EXOC6B: variants seen among roughly 807,000 people sequenced by gnomAD.
EXOC6B encodes exocyst complex component 6B.
EXOC6B carries 54 observed loss-of-function variants against 113.5 expected under a neutral mutation model. The ratio of observed to expected loss-of-function variants is 0.48; its 90% CI spans 0.38 to 0.60. The LOEUF (loss-of-function observed/expected upper bound fraction) is 0.60. EXOC6B is among the 20% of genes least tolerant of loss of function. EXOC6B has a pLI of 0.00. For missense variants in EXOC6B, 797 were observed against 977.5 expected (o/e 0.82, Z 2.46); for synonymous variants, 357 against 339.0 (o/e 1.05, Z -0.58).
At chr2:72,340,385 A>G (rs576431199) in intron 19 of EXOC6B, among the ~76,000 whole-genome samples, 4 of 152,324 alleles carry the variant, frequency 2.6e-5, no homozygotes, top group African/African-American at 9.6e-5. Context: ...AAGATGAACA[A>G]GGAAAAATCT....
At chr2:72,769,941 C>T (rs147187128) in intron 1 of EXOC6B, among the ~76,000 whole-genome samples, 2 of 152,222 alleles carry the variant, frequency 1.3e-5, no homozygotes, top group African/African-American at 4.8e-5. Flanking sequence ...CAACATTGAA[C>T]ACCAGAAGAC....
chr2:72,825,781 C>A lies in EXOC6B; in HGVS notation c.113+17G>T, dbSNP rs1199932730. On this transcript the variant is annotated intron_variant, in intron 1 of 21. Coordinates refer to ENST00000272427, the MANE Select transcript of EXOC6B (RefSeq NM_015189.3). This position sits in a 1 kb window ranked among gnomAD's most constrained non-coding sequence, Gnocchi z 4.4. ...CCGCCCGTTCCCGCCCCTCTGTGGT[C>A]CCGGCACCCGGGGTACCTGAGCGTG... The A allele has an allele frequency of 1.2e-6, 2 of 1,604,504 alleles. No homozygotes were observed. The highest frequency in any genetic ancestry group is 1.7e-6 in the Non-Finnish European group (2 of 1,175,640).
intron 20 of EXOC6B, among the ~76,000 whole-genome samples, chr2:72,281,064 C>G (rs1271466644): frequency 1.3e-5 from 2 of 152,136 alleles, no homozygotes; most frequent in Non-Finnish European, 2.9e-5. Flanking sequence ...CTAGAAGGAG[C>G]CTTGCTAAAA....
intron 6 of EXOC6B, among the ~76,000 whole-genome samples, chr2:72,714,629 G>C (rs961494700): frequency 6.6e-6 from 1 of 151,998 alleles, no homozygotes; most frequent in East Asian, 1.9e-4. Flanking sequence ...AATAGTAAAG[G>C]CTTATGCAAT....
rs143150151 is a variant in EXOC6B, at chr2:72,380,405, C to A, written c.1981-535G>T. On this transcript the variant is annotated intron_variant, in intron 18 of 21. Transcript: ENST00000272427. ...CTGTAATACCAGCACTTTGGGAGGC[C>A]GAGGCGGGCAGATCACAAGGTCAGG... Among the ~76,000 whole-genome samples the A allele has an allele frequency of 4.2e-3, 646 of 152,156 alleles. 5 individuals are homozygous for A. The highest frequency in any genetic ancestry group is 0.014 in the African/African-American group (584 of 41,512).
intron 1 of EXOC6B, among the ~76,000 whole-genome samples, chr2:72,809,821 A>G (rs1685780739): frequency 6.6e-6 from 1 of 152,202 alleles, no homozygotes; most frequent in Non-Finnish European, 1.5e-5. Flanking sequence ...TCTCTCAACA[A>G]TTGATAGAAC....
intron 19 of EXOC6B, among the ~76,000 whole-genome samples, chr2:72,374,081 T>G (rs1416920206): frequency 6.6e-6 from 1 of 152,030 alleles, no homozygotes; most frequent in Non-Finnish European, 1.5e-5. Context: ...AAAAAAAAAT[T>G]TTTTTTTAAA....
intron 18 of EXOC6B, among the ~76,000 whole-genome samples, chr2:72,435,331 T>C (rs184338563): frequency 5.3e-5 from 8 of 152,306 alleles, no homozygotes; most frequent in East Asian, 3.9e-4. Flanking sequence ...TCCAAATGTA[T>C]GGTCAATTTT....
chr2:72,311,074 T>C (rs190387890), intron 20 of EXOC6B, among the ~76,000 whole-genome samples: 15 of 152,342 alleles, frequency 9.8e-5, no homozygotes, highest in African/African-American at 3.4e-4. Flanking sequence ...TATAGAATAA[T>C]ATAAACTGAC....
At position 72,572,269 on chromosome 2, in the gene EXOC6B, A is replaced by T. The variant is rs373804791; in HGVS notation, c.846+3223T>A. ...TCCAGGGACCAGGAGCTCCATCCTCACCAGGGACCTTGTTAAAAAATGCAG... is the reference window on the plus strand; with the variant it reads ...TCCAGGGACCAGGAGCTCCATCCTCTCCAGGGACCTTGTTAAAAAATGCAG... On this transcript the variant is annotated intron_variant, in intron 7 of 21. Coordinates refer to ENST00000272427, the MANE Select transcript of EXOC6B (RefSeq NM_015189.3). 1.5e-4 allele frequency among the ~76,000 whole-genome samples: 23 copies of T among 152,252 alleles called. 2 individuals are homozygous for T. The highest frequency in any genetic ancestry group is 4.6e-4 in the African/African-American group (19 of 41,546).
intron 19 of EXOC6B, among the ~76,000 whole-genome samples, chr2:72,362,011 T>C (rs1013352622): frequency 2.0e-5 from 3 of 152,182 alleles, no homozygotes; most frequent in African/African-American, 7.2e-5. Flanking sequence ...CCCTAAATCC[T>C]GTGTTTAGGC....
intron 20 of EXOC6B, among the ~76,000 whole-genome samples, chr2:72,288,031 A>C (rs1685554288): frequency 6.6e-6 from 1 of 152,178 alleles, no homozygotes; most frequent in South Asian, 2.1e-4. Context: ...GGGACATGAA[A>C]TGGTACTTCA....
chr2:72,805,403 C>G (rs960804586), intron 1 of EXOC6B, among the ~76,000 whole-genome samples: 2 of 152,252 alleles, frequency 1.3e-5, no homozygotes, highest in East Asian at 1.9e-4. Context: ...GTTTTCCCAG[C>G]TTTATACACT....
intron 19 of EXOC6B, among the ~76,000 whole-genome samples, chr2:72,371,958 G>C (rs563806319): frequency 5.2e-4 from 79 of 152,226 alleles, no homozygotes; most frequent in African/African-American, 1.8e-3. Context: ...GATAAGAATT[G>C]ATAAATTCAG....
chr2:72,550,913 T>TTA (rs1703179290), intron 8 of EXOC6B, among the ~76,000 whole-genome samples: 1 of 149,026 alleles, frequency 6.7e-6, no homozygotes, highest in East Asian at 2.0e-4. Context: ...CATTTATTTT[T>TTA]TTTTTATTTT....
intron 18 of EXOC6B, among the ~76,000 whole-genome samples, chr2:72,426,292 C>T (rs1179181622): frequency 1.3e-5 from 2 of 152,186 alleles, no homozygotes; most frequent in African/African-American, 4.8e-5. Flanking sequence ...ATCTTGATCT[C>T]TTAAATCTCT....
At chr2:72,193,444 C>T (rs1678977918) in intron 20 of EXOC6B, among the ~76,000 whole-genome samples, 1 of 152,092 alleles carries the variant, frequency 6.6e-6, no homozygotes, top group African/African-American at 2.4e-5. Flanking sequence ...ACACAGAAAT[C>T]TGGGCAAATG....
chr2:72,534,837 T>C (rs1312296605), intron 8 of EXOC6B, among the ~76,000 whole-genome samples: 1 of 152,198 alleles, frequency 6.6e-6, no homozygotes, highest in African/African-American at 2.4e-5. Context: ...ACTATTCTTT[T>C]CTATGCAGTT....
intron 16 of EXOC6B, among the ~76,000 whole-genome samples, chr2:72,486,296 G>GA (rs1425973943): frequency 6.6e-6 from 1 of 151,730 alleles, no homozygotes; most frequent in Non-Finnish European, 1.5e-5. Flanking sequence ...TTGAACCTGG[G>GA]ATGTGGAGGT....
Sources: gnomAD v4.1 joint callset for allele counts (sites outside exome capture counted in the v4.1 genomes callset) on GRCh38, gnomAD v4.1.1 for gene constraint, Gnocchi (gnomAD v3.1) non-coding constraint, MANE v1.5 for transcripts, NCBI Gene and HGNC (gene_info 2026-07-23, HGNC 2026-07-21) for gene names.